The following ARHGAP23 variants were observed in gnomAD, a reference collection of about 807,000 sequenced individuals.
The protein encoded by ARHGAP23 is rho GTPase-activating protein 23.
ARHGAP23 carries 34 observed loss-of-function variants against 136.3 expected under a neutral mutation model. The observed-to-expected ratio is 0.25, with a 90% CI of 0.19 to 0.33. ARHGAP23 has a LOEUF of 0.33. Among genes scored for constraint, ARHGAP23 ranks in the 10% least tolerant of loss-of-function variants. The probability of loss-of-function intolerance (pLI) is 1.00; values close to 1 mark genes in which losing one functional copy is unlikely to be tolerated. For missense variants in ARHGAP23, 1,808 were observed against 2,139.0 expected (o/e 0.85, Z 3.05); for synonymous variants, 832 against 920.5 (o/e 0.90, Z 1.74).
At chr17:38,503,827 A>G (rs1597851197) in intron 23 of ARHGAP23, among the ~76,000 whole-genome samples, 1 of 152,238 alleles carries the variant, frequency 6.6e-6, no homozygotes, top group East Asian at 1.9e-4. Flanking sequence ...AAACTGACTC[A>G]GAGACTTCAC....
intron 20 of ARHGAP23, 27 bp downstream of exon 20, chr17:38,491,559 G>A (rs201174057): frequency 3.9e-6 from 6 of 1,548,922 alleles, no homozygotes; most frequent in Middle Eastern, 2.3e-4. Flanking sequence ...GGGGGCGCCC[G>A]GCAGCCCCTG....
At chr17:38,461,396 T>A (rs1454673640) in intron 3 of ARHGAP23, among the ~76,000 whole-genome samples, 2 of 152,190 alleles carry the variant, frequency 1.3e-5, no homozygotes, top group East Asian at 3.8e-4. Context: ...TCTCATATGA[T>A]GTGAGCCTGA....
rs2040752890 is a variant in ARHGAP23 at position 38,510,961 on chromosome 17, CAG to C, written c.4466_4467del (p.Gln1489LeufsTer50). The C allele has an allele frequency of 6.9e-7, 1 of 1,452,176 alleles. No homozygotes were observed. Among genetic ancestry groups the C allele is most frequent in the East Asian group, 2.9e-5 (1 of 34,486 alleles). The allele number at this position is 1,452,176 out of a possible 1,614,324, so 90.0% of individuals were successfully genotyped here. On this transcript the variant is annotated frameshift_variant, in exon 24 of 24. Transcript: ENST00000622683. LOFTEE classifies it high-confidence loss of function. The surrounding 1 kb of genome is among the most constrained non-coding windows in gnomAD (Gnocchi z 4.6). ...PRRSAASRLHQCL is the reference protein window; with the variant it reads ...PRRSAASRLHXCL ...CCGCTCGGCCGCCTCCCGCCTGCAT[CAG>C]TGTCTGTGATCCCCACCTCCCGCGC...
At chr17:38,429,708 C>CG (rs781048676) in intron 1 of ARHGAP23, among the ~76,000 whole-genome samples, 3 of 151,218 alleles carry the variant, frequency 2.0e-5, no homozygotes, top group African/African-American at 2.4e-5. Context: ...TCAGGATGGA[C>CG]GGGGGGTGGG....
chr17:38,472,071 C>G, intron 11 of ARHGAP23, 65 bp downstream of exon 11: 1 of 1,365,180 alleles, frequency 7.3e-7, no homozygotes, highest in South Asian at 1.4e-5. Context: ...TCTCCTAGGC[C>G]TACCCTGACA....
At chr17:38,440,607 TGGCCCCCCTAGCCCGGTGCCA>T (rs2038898717) in intron 1 of ARHGAP23, among the ~76,000 whole-genome samples, 1 of 152,232 alleles carries the variant, frequency 6.6e-6, no homozygotes. Flanking sequence ...CTTGTGTCAC[TGGCCCCCCTAGCCCGGTGCCA>T]GGCCCTTGGT....
intron 9 of ARHGAP23, 39 bp downstream of exon 9, chr17:38,469,674 C>A: frequency 6.5e-7 from 1 of 1,536,642 alleles, no homozygotes. Flanking sequence ...GTGGCCACAG[C>A]CACCGTGGCC....
intron 20 of ARHGAP23, among the ~76,000 whole-genome samples, chr17:38,495,200 T>G (rs2040364074): frequency 1.3e-5 from 2 of 151,578 alleles, no homozygotes; most frequent in South Asian, 4.2e-4. Context: ...CCAAGATGAC[T>G]GACTCCAGAG....
intron 1 of ARHGAP23, among the ~76,000 whole-genome samples, chr17:38,456,403 T>G (rs1190499595): frequency 6.6e-6 from 1 of 152,182 alleles, no homozygotes. Flanking sequence ...AAGGGGATGT[T>G]GCTAGTGAAG....
intron 1 of ARHGAP23, among the ~76,000 whole-genome samples, chr17:38,436,600 G>A (rs2038803533): frequency 6.6e-6 from 1 of 152,238 alleles, no homozygotes; most frequent in African/African-American, 2.4e-5. Context: ...CTGGATGAAT[G>A]AGAAACAACC....
intron 2 of ARHGAP23, among the ~76,000 whole-genome samples, chr17:38,459,125 C>A (rs561459645): frequency 3.0e-4 from 45 of 152,296 alleles, no homozygotes; most frequent in Non-Finnish European, 5.9e-4. Context: ...GGAGGAGACA[C>A]TGATTTTGCA....
At position 38,511,168 on chromosome 17, in the gene ARHGAP23, T is replaced by C. The variant is rs952718121; in HGVS notation, c.*196T>C. ...GAAGGCTGGGGCCGGACTAATTGAA[T>C]GGAAGGGGGTTCCAGAGGTGATGAG... On this transcript the variant is annotated 3_prime_UTR_variant, in exon 24 of 24. Coordinates refer to ENST00000622683, the MANE Select transcript of ARHGAP23 (RefSeq NM_001199417.2). 1 of 586,216 alleles carries C rather than the reference T, an allele frequency of 1.7e-6. No individual in the cohort carries two copies. Among genetic ancestry groups the C allele is most frequent in the Non-Finnish European group, 2.7e-6 (1 of 369,186 alleles). The allele number at this position is 586,216 out of a possible 1,614,324, so 36.3% of individuals were successfully genotyped here. A position where few individuals can be genotyped will look rare whatever the true frequency, so the allele number is the denominator to read the frequency against.
chr17:38,446,828 G>C (rs1567781601), intron 1 of ARHGAP23, among the ~76,000 whole-genome samples: 1 of 151,712 alleles, frequency 6.6e-6, no homozygotes, highest in Non-Finnish European at 1.5e-5. Context: ...TTTTTAGAGA[G>C]GGAGTCTTCC....
At position 38,433,989 on chromosome 17, in the gene ARHGAP23, T is replaced by C. The variant is rs564316300; in HGVS notation, c.63+5441T>C. Among the ~76,000 whole-genome samples the C allele has an allele frequency of 3.4e-4, 52 of 152,228 alleles. 1 individual carries two copies. In the South Asian group the frequency reaches 0.01, roughly 30 times the overall value. On this transcript the variant is annotated intron_variant, in intron 1 of 23. Coordinates refer to ENST00000622683, the MANE Select transcript of ARHGAP23 (RefSeq NM_001199417.2). ...CACTACACCTGGCTAATTTTTTTTA[T>C]TTTTTTAGAGACAAGGTTTCGGCAT...
At chr17:38,433,152 G>T (rs1171728348) in intron 1 of ARHGAP23, among the ~76,000 whole-genome samples, 2 of 152,062 alleles carry the variant, frequency 1.3e-5, no homozygotes, top group Non-Finnish European at 2.9e-5. Context: ...TAGAGACAGG[G>T]TTTTGCCATG....
intron 23 of ARHGAP23, among the ~76,000 whole-genome samples, chr17:38,504,830 C>T (rs2040594235): frequency 1.3e-5 from 2 of 152,156 alleles, no homozygotes; most frequent in South Asian, 4.1e-4. Context: ...GTCGGTGCCC[C>T]AAGTTACAGC....
At chr17:38,441,649 T>C (rs1309712864) in intron 1 of ARHGAP23, among the ~76,000 whole-genome samples, 1 of 152,210 alleles carries the variant, frequency 6.6e-6, no homozygotes, top group East Asian at 1.9e-4. Context: ...ACATTAGCTG[T>C]GGCACCATGG....
Position 38,458,167 on chromosome 17 carries a change from G to A in ARHGAP23, c.129G>A (p.Thr43=), listed in dbSNP as rs1028694681. ...CCTTCCCCTGGCAGGGGCCGAGGAC[G>A]CTGCTGCTGTACAAAAGTCCCCAGG... ...RRPFPWQGPR[T]LLLYKSPQDG... is the part of the protein sequence containing the mutation. The change falls in exon 2 of 24, where the codon ACG becomes ACA. Residue 43 remains threonine, a synonymous_variant. Coordinates refer to ENST00000622683, the MANE Select transcript of ARHGAP23 (RefSeq NM_001199417.2). The A allele has an allele frequency of 5.9e-6, 9 of 1,536,010 alleles. No homozygotes were observed. Among genetic ancestry groups the A allele is most frequent in the Middle Eastern group, 1.7e-4 (1 of 6,012 alleles).
At chr17:38,499,823 T>G (rs1467456787) in intron 22 of ARHGAP23, among the ~76,000 whole-genome samples, 1 of 152,150 alleles carries the variant, frequency 6.6e-6, no homozygotes, top group African/African-American at 2.4e-5. Flanking sequence ...AGGAGGCCCT[T>G]GGACCAACCT....
Sources: gnomAD v4.1 joint callset for allele counts (sites outside exome capture counted in the v4.1 genomes callset) on GRCh38, gnomAD v4.1.1 for gene constraint, Gnocchi (gnomAD v3.1) non-coding constraint, MANE v1.5 for transcripts, NCBI Gene and HGNC (gene_info 2026-07-23, HGNC 2026-07-21) for gene names.